RIT2: variants seen among roughly 807,000 people sequenced by gnomAD.
RIT2 encodes GTP-binding protein Rit2.
Under a neutral mutation model 23.7 loss-of-function variants are expected in RIT2, and 24 were observed. The ratio of observed to expected loss-of-function variants is 1.01; its 90% CI spans 0.73 to 1.43. The LOEUF is 1.43. Ranked by LOEUF, RIT2 falls within the 40% of genes most tolerant of loss-of-function variation. The pLI is 0.00. For synonymous variants in RIT2, 107 were observed against 91.1 expected (o/e 1.17, Z -0.99); for missense variants, 236 against 266.9 (o/e 0.88, Z 0.81).
chr18:42,855,904 G>T (rs1024824791), intron 4 of RIT2, among the ~76,000 whole-genome samples: 1 of 152,080 alleles, frequency 6.6e-6, no homozygotes, highest in Non-Finnish European at 1.5e-5. Flanking sequence ...TGAAATTTTA[G>T]TATTTTTTTT....
chr18:43,007,769 T>A (rs1440035570), intron 2 of RIT2, among the ~76,000 whole-genome samples: 1 of 151,724 alleles, frequency 6.6e-6, no homozygotes, highest in Non-Finnish European at 1.5e-5. Flanking sequence ...TAGAGAATCA[T>A]CTCATTATTT....
At chr18:42,862,263 A>ACT (rs916607409) in intron 4 of RIT2, among the ~76,000 whole-genome samples, 3 of 149,062 alleles carry the variant, frequency 2.0e-5, no homozygotes, top group South Asian at 2.1e-4. Context: ...TTCTCCCTTC[A>ACT]CTCTCTCTCT....
chr18:42,881,871 T>A (rs1380946792), intron 4 of RIT2, among the ~76,000 whole-genome samples: 1 of 152,224 alleles, frequency 6.6e-6, no homozygotes, highest in Non-Finnish European at 1.5e-5. Context: ...GAGTGAAGAA[T>A]GTTTATTGGA....
intron 2 of RIT2, among the ~76,000 whole-genome samples, chr18:43,001,036 C>A (rs1436407435): frequency 6.6e-6 from 1 of 152,022 alleles, no homozygotes; most frequent in Non-Finnish European, 1.5e-5. Context: ...CTATTTCATT[C>A]TTTTATTTCA....
chr18:42,807,293 T>C (rs540399533), intron 4 of RIT2, among the ~76,000 whole-genome samples: 11 of 152,314 alleles, frequency 7.2e-5, no homozygotes, highest in Admixed American at 3.3e-4. Context: ...TTGAATAAAG[T>C]CTTGTGTTCA....
chr18:42,872,579 C>T (rs564895683), intron 4 of RIT2, among the ~76,000 whole-genome samples: 2 of 152,274 alleles, frequency 1.3e-5, no homozygotes, highest in East Asian at 1.9e-4. Flanking sequence ...TGATATCCTA[C>T]GTCAAAATAA....
At chr18:42,852,149 C>T (rs1470614349) in intron 4 of RIT2, among the ~76,000 whole-genome samples, 3 of 152,180 alleles carry the variant, frequency 2.0e-5, no homozygotes, top group Non-Finnish European at 2.9e-5. Context: ...GTCCTGAAGA[C>T]AGCTATTAAA....
intron 1 of RIT2, among the ~76,000 whole-genome samples, chr18:43,072,807 C>G (rs191947934): frequency 1.9e-4 from 29 of 152,222 alleles, no homozygotes; most frequent in African/African-American, 6.5e-4. Context: ...GGAATTGACA[C>G]TAAAGGAAAA....
intron 4 of RIT2, among the ~76,000 whole-genome samples, chr18:42,777,472 A>G (rs1286485531): frequency 6.6e-6 from 1 of 152,128 alleles, no homozygotes; most frequent in African/African-American, 2.4e-5. Flanking sequence ...GCAGTGGCCA[A>G]TACAACAGGA....
At chr18:42,943,413 C>G (rs1262300409) in intron 3 of RIT2, among the ~76,000 whole-genome samples, 2 of 152,016 alleles carry the variant, frequency 1.3e-5, no homozygotes. Flanking sequence ...AGTCCCCACT[C>G]GACCCAGGAA....
chr18:43,006,880 C>T (rs956355526), intron 2 of RIT2, among the ~76,000 whole-genome samples: 7 of 151,162 alleles, frequency 4.6e-5, no homozygotes, highest in African/African-American at 1.7e-4. Flanking sequence ...AGAAAATCAG[C>T]CCAGAACCAC....
chr18:42,880,632 C>T (rs1176173669), intron 4 of RIT2, among the ~76,000 whole-genome samples: 1 of 151,968 alleles, frequency 6.6e-6, no homozygotes, highest in Middle Eastern at 3.2e-3. Flanking sequence ...AGTTTCCTGT[C>T]TCCATATCTC....
intron 2 of RIT2, among the ~76,000 whole-genome samples, chr18:43,014,422 T>C (rs906514095): frequency 6.6e-5 from 10 of 151,704 alleles, no homozygotes; most frequent in Non-Finnish European, 1.3e-4. Context: ...ACCCTTTTTT[T>C]TCTCCTGTTA....
At chr18:42,964,386 A>G (rs1027531755) in intron 3 of RIT2, among the ~76,000 whole-genome samples, 2 of 151,828 alleles carry the variant, frequency 1.3e-5, no homozygotes, top group Non-Finnish European at 2.9e-5. Context: ...TATTTTGCCC[A>G]CAAGGAAATT....
chr18:42,767,619 G>A (rs1231280833), intron 4 of RIT2, among the ~76,000 whole-genome samples: 1 of 152,136 alleles, frequency 6.6e-6, no homozygotes, highest in African/African-American at 2.4e-5. Flanking sequence ...TGTTGGGAAG[G>A]CATGATTGGT....
intron 2 of RIT2, among the ~76,000 whole-genome samples, chr18:43,000,062 G>A (rs569976938): frequency 6.6e-6 from 1 of 152,222 alleles, no homozygotes; most frequent in Admixed American, 6.5e-5. Context: ...ACAGGGTAAT[G>A]TGCTTCATAT....
intron 3 of RIT2, among the ~76,000 whole-genome samples, chr18:42,946,857 C>G (rs1018338298): frequency 3.9e-5 from 6 of 151,918 alleles, no homozygotes; most frequent in Middle Eastern, 3.2e-3. Context: ...TCACTTTCAG[C>G]TCTGAAAATC....
intron 1 of RIT2, among the ~76,000 whole-genome samples, chr18:43,097,003 G>A (rs1004728224): frequency 6.6e-6 from 1 of 151,874 alleles, no homozygotes; most frequent in African/African-American, 2.4e-5. Flanking sequence ...AAGGGTGTTA[G>A]CTGTAGTTTA....
chr18:42,998,437 A>G (rs1911034623), intron 2 of RIT2, among the ~76,000 whole-genome samples: 1 of 152,226 alleles, frequency 6.6e-6, no homozygotes, highest in East Asian at 1.9e-4. Flanking sequence ...TCTCACTGCT[A>G]AAGTGCATAA....
Sources: gnomAD v4.1 joint callset for allele counts (sites outside exome capture counted in the v4.1 genomes callset) on GRCh38, gnomAD v4.1.1 for gene constraint, MANE v1.5 for transcripts, NCBI Gene and HGNC (gene_info 2026-07-23, HGNC 2026-07-21) for gene names.